The following FGF5 variants were observed in gnomAD, a reference collection of about 807,000 sequenced individuals.
FGF5 encodes fibroblast growth factor 5.
Under a neutral mutation model 21.8 loss-of-function variants are expected in FGF5, and 23 were observed. The ratio of observed to expected loss-of-function variants is 1.05; its 90% CI spans 0.76 to 1.49. The LOEUF is 1.49. FGF5 is among the 40% of genes most tolerant of loss of function. The pLI, the probability that FGF5 is intolerant of heterozygous loss-of-function variation, is 0.00. For missense variants in FGF5, 352 were observed against 332.9 expected, an observed-to-expected ratio of 1.06 and a Z score of -0.45; for synonymous variants, 158 against 124.0, an observed-to-expected ratio of 1.27 and a Z score of -1.82.
chr4:80,273,072 C>T (rs957280557), intron 1 of FGF5, among the ~76,000 whole-genome samples: 6 of 151,844 alleles, frequency 4.0e-5, no homozygotes, highest in Non-Finnish European at 7.4e-5. Flanking sequence ...GATAATGCTT[C>T]TAAACCTTTA....
intron 2 of FGF5, 40 bp downstream of exon 2, chr4:80,275,052 A>C (rs772273716): frequency 2.4e-6 from 2 of 825,580 alleles, no homozygotes; most frequent in South Asian, 3.8e-5. Flanking sequence ...GGTGCTATAA[A>C]GATTTTACAT....
Position 80,286,395 on chromosome 4 carries a change from C to T in FGF5, c.530C>T (p.Ala177Val). The change falls in exon 3 of 3, where the codon GCA (alanine) becomes GTA (valine). Residue 177 changes from alanine (A) to valine (V), a missense_variant. Transcript: ENST00000312465. The part of the protein sequence containing the change: ...QENSYNTYAS[A>V]IHRTEKTGRE... ...AATAGCTATAATACCTATGCCTCAG[C>T]AATACATAGAACTGAAAAAACAGGG... The T allele has an allele frequency of 6.2e-7, 1 of 1,613,722 alleles. No individual in the cohort carries two copies. The highest frequency in any genetic ancestry group is 8.5e-7 in the Non-Finnish European group (1 of 1,179,884).
At chr4:80,275,641 T>A (rs1720390630) in intron 2 of FGF5, among the ~76,000 whole-genome samples, 1 of 152,060 alleles carries the variant, frequency 6.6e-6, no homozygotes, top group Non-Finnish European at 1.5e-5. Flanking sequence ...TTATATATTG[T>A]AATCAATTCA....
intron 2 of FGF5, 94 bp from the exon 3 acceptor site, chr4:80,286,231 A>G (rs1393901180): frequency 9.2e-6 from 8 of 872,338 alleles, no homozygotes; most frequent in East Asian, 2.5e-5. Flanking sequence ...GAGATCAACA[A>G]AATTATTGTT....
In FGF5 at chr4:80,266,830, C is replaced by G. The variant is rs1205861010; in HGVS notation, c.6C>G (p.Ser2Arg). Residue 2 changes from serine (S) to arginine (R), a missense_variant, in exon 1 of 3, where the codon AGC becomes AGG. Transcript: ENST00000312465. Reference protein sequence around the residue: MSLSFLLLLFFS... With the variant: MRLSFLLLLFFS... ...GGACCCCCGCGGCTGGAAGAATGAG[C>G]TTGTCCTTCCTCCTCCTCCTCTTCT... 3 of 1,585,598 alleles carry G rather than the reference C, an allele frequency of 1.9e-6. No homozygotes were observed. The highest frequency in any genetic ancestry group is 2.6e-6 in the Non-Finnish European group (3 of 1,167,566).
intron 1 of FGF5, among the ~76,000 whole-genome samples, chr4:80,267,766 T>TACAC: frequency 6.6e-6 from 1 of 151,550 alleles, no homozygotes; most frequent in East Asian, 2.0e-4. Flanking sequence ...GATACACAGA[T>TACAC]AGATAGACAG....
chr4:80,280,308 T>TA (rs989862658), intron 2 of FGF5, among the ~76,000 whole-genome samples: 29 of 152,242 alleles, frequency 1.9e-4, no homozygotes, highest in African/African-American at 6.0e-4. Flanking sequence ...GAGGTCTAGT[T>TA]AAAAGACCTA....
intron 2 of FGF5, among the ~76,000 whole-genome samples, chr4:80,283,985 A>G (rs989424173): frequency 2.0e-5 from 3 of 152,220 alleles, no homozygotes; most frequent in Non-Finnish European, 2.9e-5. Flanking sequence ...TCTACAATGA[A>G]TTTGTAAGCA....
intron 2 of FGF5, among the ~76,000 whole-genome samples, chr4:80,279,744 A>C (rs1174446167): frequency 6.6e-6 from 1 of 152,216 alleles, no homozygotes; most frequent in East Asian, 1.9e-4. Context: ...AAGTATGCAG[A>C]AAGCTCATTG....
Position 80,289,393 on chromosome 4 carries a change from C to T in FGF5, c.*2721C>T, listed in dbSNP as rs1578301310. ...GTATAAATATAAGTCTATACTAATGCTTACAACTTTCTAAGAGGGTTCTTG... is the reference window on the plus strand; with the variant it reads ...GTATAAATATAAGTCTATACTAATGTTTACAACTTTCTAAGAGGGTTCTTG... On this transcript the variant is annotated 3_prime_UTR_variant, in exon 3 of 3. Transcript: ENST00000312465. 2 of 152,182 alleles carry T rather than the reference C, an allele frequency of 1.3e-5. No homozygotes were observed. The highest frequency in any genetic ancestry group is 3.9e-4 in the East Asian group (2 of 5,172). The allele number at this position is 152,182 out of a possible 1,614,324, so 9.4% of individuals were successfully genotyped here.
intron 1 of FGF5, among the ~76,000 whole-genome samples, chr4:80,273,572 G>A (rs1371066549): frequency 6.6e-6 from 1 of 152,074 alleles, no homozygotes; most frequent in Non-Finnish European, 1.5e-5. Context: ...AAGAAAATCT[G>A]ATGAATTTCT....
chr4:80,281,857 T>C (rs994795566), intron 2 of FGF5, among the ~76,000 whole-genome samples: 29 of 152,234 alleles, frequency 1.9e-4, no homozygotes, highest in Non-Finnish European at 2.9e-5. Flanking sequence ...ATCGGAGTTG[T>C]GCTTTCTTTG....
Position 80,287,807 on chromosome 4 carries a change from C to G in FGF5, c.*1135C>G, listed in dbSNP as rs898856402. 6.6e-6 allele frequency: 1 copy of G among 152,102 alleles called. No individual in the cohort carries two copies. The highest frequency in any genetic ancestry group is 2.1e-4 in the South Asian group (1 of 4,830). 9.4% of individuals were successfully genotyped at this position (152,102 alleles called of 1,614,324 possible). On this transcript the variant is annotated 3_prime_UTR_variant, in exon 3 of 3. Coordinates refer to ENST00000312465, the MANE Select transcript of FGF5 (RefSeq NM_004464.4). Reference sequence around the variant, plus strand: ...AATATTCTTATTACTCAGTCAAACACTCTTTGAGCTTCCCTTCCTAAAGGT... The same window carrying G: ...AATATTCTTATTACTCAGTCAAACAGTCTTTGAGCTTCCCTTCCTAAAGGT...
At chr4:80,279,434 C>T (rs1322603820) in intron 2 of FGF5, among the ~76,000 whole-genome samples, 1 of 152,156 alleles carries the variant, frequency 6.6e-6, no homozygotes, top group Non-Finnish European at 1.5e-5. Context: ...ATTTTGGGGT[C>T]AGGCAACTGT....
At chr4:80,285,049 G>A (rs1486293413) in intron 2 of FGF5, among the ~76,000 whole-genome samples, 1 of 152,134 alleles carries the variant, frequency 6.6e-6, no homozygotes, top group Non-Finnish European at 1.5e-5. Context: ...TTTCAAGTTT[G>A]ATGAAAGCTA....
intron 2 of FGF5, among the ~76,000 whole-genome samples, chr4:80,282,888 TG>T (rs1434493864): frequency 6.6e-6 from 1 of 152,206 alleles, no homozygotes; most frequent in Admixed American, 6.5e-5. Flanking sequence ...AAAATCAGCC[TG>T]GAAAATTTAT....
chr4:80,268,906 T>C (rs1443980998), intron 1 of FGF5, among the ~76,000 whole-genome samples: 1 of 152,254 alleles, frequency 6.6e-6, no homozygotes, highest in Non-Finnish European at 1.5e-5. Flanking sequence ...TGAAATGGAA[T>C]TTTCTGAGAT....
At position 80,274,960 on chromosome 4, in the gene FGF5, T is replaced by G. The variant is rs76530345; in HGVS notation, c.407T>G (p.Val136Gly). The G allele has an allele frequency of 1.3e-6, 2 of 1,599,656 alleles. No individual in the cohort carries two copies. The highest frequency in any genetic ancestry group is 1.7e-6 in the Non-Finnish European group (2 of 1,171,328). The change falls in exon 2 of 3, where the codon GTT becomes GGT. Residue 136 changes from valine to glycine, a missense_variant. By Grantham distance (109) the Val-to-Gly change is moderately radical (BLOSUM62 -3). Transcript: ENST00000312465. The stretch of plus-strand genomic sequence containing the variant: ...CAGGGGATTGTAGGAATACGAGGAG[T>G]TTTCAGCAACAAATTTTTAGCGATG... ...VSQGIVGIRG[V>G]FSNKFLAMSK...
In FGF5 at chr4:80,269,568, AC is replaced by A. The variant is rs531298420; in HGVS notation, c.355+2390del. The stretch of plus-strand genomic sequence containing the variant: ...TTAAAATCCATGTTGAAAGATATCT[AC>A]AAGAGAACAGGGATGTTTCCTAAAA... On this transcript the variant is annotated intron_variant, in intron 1 of 2. Coordinates refer to ENST00000312465, the MANE Select transcript of FGF5 (RefSeq NM_004464.4). Among the ~76,000 whole-genome samples, 10 of 152,336 alleles carry A rather than the reference AC, an allele frequency of 6.6e-5. No individual in the cohort carries two copies. The East Asian group carries it at 1.9e-3, about 29-fold the overall frequency.
Sources: gnomAD v4.1 joint callset for allele counts (sites outside exome capture counted in the v4.1 genomes callset) on GRCh38, gnomAD v4.1.1 for gene constraint, MANE v1.5 for transcripts, NCBI Gene and HGNC (gene_info 2026-07-23, HGNC 2026-07-21) for gene names.